NPTN: variants seen among roughly 807,000 people sequenced by gnomAD.
NPTN encodes the protein SDR-1.
In NPTN, 5 loss-of-function variants were observed where a neutral mutation model predicts 42.7. The ratio of observed to expected loss-of-function variants is 0.12; its 90% CI spans 0.06 to 0.25. The LOEUF (loss-of-function observed/expected upper bound fraction) is 0.25, where lower values mean the gene tolerates loss of function less well. Ranked by LOEUF, NPTN falls within the 10% of genes least tolerant of loss-of-function variation. NPTN has a pLI of 1.00. For missense variants in NPTN, 307 were observed against 525.4 expected (o/e 0.58, Z 4.06); for synonymous variants, 180 against 201.9 (o/e 0.89, Z 0.92).
At position 73,560,960 on chromosome 15, in the gene NPTN, T is replaced by G. The variant is rs1019209306; in HGVS notation, c.*103A>C. ...CATGCTTTAGACAGTCATTGTGGTG[T>G]TGCTCACTTGAAAGGGGAGAGAACC... is the stretch of plus-strand genomic sequence containing the variant. On this transcript the variant is annotated 3_prime_UTR_variant, in exon 9 of 9. Transcript: ENST00000345330. 2 of 152,584 alleles carry G rather than the reference T, an allele frequency of 1.3e-5. No individual in the cohort carries two copies. The highest frequency in any genetic ancestry group is 2.4e-5 in the African/African-American group (1 of 41,418). The allele number at this position is 152,584 out of a possible 1,614,324, so 9.5% of individuals were successfully genotyped here. A position where few individuals can be genotyped will look rare whatever the true frequency, so the allele number is the denominator to read the frequency against.
At chr15:73,589,427 C>T (rs78437991) in intron 3 of NPTN, among the ~76,000 whole-genome samples, 1,554 of 152,186 alleles carry the variant, frequency 0.01, 30 homozygotes, top group African/African-American at 0.036. Context: ...TTCTTGCCCC[C>T]GAGGGTCAAC....
intron 4 of NPTN, among the ~76,000 whole-genome samples, chr15:73,577,826 T>A (rs1895776698): frequency 6.6e-6 from 1 of 152,088 alleles, no homozygotes; most frequent in Non-Finnish European, 1.5e-5. Context: ...CAGCTCTGAC[T>A]CCCTGTGATT....
intron 1 of NPTN, among the ~76,000 whole-genome samples, chr15:73,620,171 A>G (rs1300411663): frequency 1.3e-5 from 2 of 152,228 alleles, no homozygotes; most frequent in Non-Finnish European, 2.9e-5. Context: ...CAAAGCATGT[A>G]TTCTCTAGTT....
chr15:73,582,593 C>G (rs925508122), intron 4 of NPTN, among the ~76,000 whole-genome samples: 1 of 151,872 alleles, frequency 6.6e-6, no homozygotes, highest in African/African-American at 2.4e-5. Flanking sequence ...TGGCTGTACA[C>G]CATAATCACC....
At chr15:73,619,496 A>C (rs1250937429) in intron 1 of NPTN, among the ~76,000 whole-genome samples, 1 of 152,222 alleles carries the variant, frequency 6.6e-6, no homozygotes. Flanking sequence ...ATGGTGCAAT[A>C]CATTACTGTA....
At chr15:73,626,671 A>T (rs778766808) in intron 1 of NPTN, among the ~76,000 whole-genome samples, 1 of 152,230 alleles carries the variant, frequency 6.6e-6, no homozygotes, top group Non-Finnish European at 1.5e-5. Context: ...ATGCCTTATT[A>T]GTATTCTATC....
intron 6 of NPTN, chr15:73,567,730 C>T: frequency 1.0e-6 from 1 of 985,318 alleles, no homozygotes; most frequent in Non-Finnish European, 1.2e-6. Context: ...AGGAGAAAAA[C>T]AGAATGGAAA....
rs183554391 is a variant in NPTN, at chr15:73,573,882, T to G, written c.707-87A>C. On this transcript the variant is annotated intron_variant, in intron 4 of 8. Transcript: ENST00000345330. ...CCACCTTCTGGCTCAGAGCCCTGCT[T>G]GTAATGTAGTCAGTCTTTATGCTTA... 3,048 of 1,497,678 alleles carry G rather than the reference T, an allele frequency of 2.0e-3. 14 individuals are homozygous for G. The highest frequency in any genetic ancestry group is 3.5e-3 in the South Asian group (283 of 80,632). The allele number at this position is 1,497,678 out of a possible 1,614,324, so 92.8% of individuals were successfully genotyped here.
At chr15:73,572,406 G>A (rs1299353516) in intron 5 of NPTN, among the ~76,000 whole-genome samples, 1 of 152,174 alleles carries the variant, frequency 6.6e-6, no homozygotes, top group Non-Finnish European at 1.5e-5. Flanking sequence ...AGGTTCTAAA[G>A]CTCTGACTCT....
At chr15:73,584,319 T>A (rs556117795) in intron 4 of NPTN, among the ~76,000 whole-genome samples, 1 of 152,194 alleles carries the variant, frequency 6.6e-6, no homozygotes, top group African/African-American at 2.4e-5. Flanking sequence ...TTGGGAGTCA[T>A]GAGAGCAATT....
chr15:73,578,035 G>T (rs1014960002), intron 4 of NPTN, among the ~76,000 whole-genome samples: 3 of 152,180 alleles, frequency 2.0e-5, no homozygotes, highest in Non-Finnish European at 4.4e-5. Flanking sequence ...GAAATGCAAA[G>T]GTCTTGAGGT....
At chr15:73,561,259 G>T (rs781184080) in intron 8 of NPTN, among the ~76,000 whole-genome samples, 4 of 152,130 alleles carry the variant, frequency 2.6e-5, no homozygotes, top group Non-Finnish European at 5.9e-5. Context: ...AAGACTAGTA[G>T]GCCTCTGGGA....
At chr15:73,596,265 A>C (rs1448348694) in intron 2 of NPTN, among the ~76,000 whole-genome samples, 1 of 152,236 alleles carries the variant, frequency 6.6e-6, no homozygotes, top group African/African-American at 2.4e-5. Context: ...CCCAGTGAGG[A>C]GTACACTGCT....
At chr15:73,606,397 A>G (rs1364284704) in intron 1 of NPTN, among the ~76,000 whole-genome samples, 1 of 152,218 alleles carries the variant, frequency 6.6e-6, no homozygotes, top group Non-Finnish European at 1.5e-5. Flanking sequence ...CTTCACAAAT[A>G]GTACTTAAGC....
intron 1 of NPTN, among the ~76,000 whole-genome samples, chr15:73,610,896 C>T (rs1439570618): frequency 6.6e-6 from 1 of 152,112 alleles, no homozygotes; most frequent in African/African-American, 2.4e-5. Flanking sequence ...ACATTTTCCC[C>T]CCTCTAGGCC....
chr15:73,574,563 C>T (rs1223496356), intron 4 of NPTN, among the ~76,000 whole-genome samples: 1 of 152,162 alleles, frequency 6.6e-6, no homozygotes, highest in Non-Finnish European at 1.5e-5. Context: ...CAGGCACATG[C>T]CACTACACCT....
chr15:73,564,206 G>A (rs2141348428), intron 6 of NPTN, among the ~76,000 whole-genome samples: 1 of 152,300 alleles, frequency 6.6e-6, no homozygotes, highest in South Asian at 2.1e-4. Context: ...AGTGCTCTTA[G>A]TTTGTTTTTA....
At chr15:73,586,019 C>T (rs890906489) in intron 4 of NPTN, among the ~76,000 whole-genome samples, 1 of 152,218 alleles carries the variant, frequency 6.6e-6, no homozygotes, top group Non-Finnish European at 1.5e-5. Flanking sequence ...TTGATTTCCA[C>T]TCTTGAAAGT....
At chr15:73,581,814 C>T (rs758610059) in intron 4 of NPTN, among the ~76,000 whole-genome samples, 2 of 152,020 alleles carry the variant, frequency 1.3e-5, no homozygotes, top group Non-Finnish European at 2.9e-5. Flanking sequence ...GGCCTCTTTA[C>T]AGACACTGCT....
Sources: gnomAD v4.1 joint callset for allele counts (sites outside exome capture counted in the v4.1 genomes callset) on GRCh38, gnomAD v4.1.1 for gene constraint, MANE v1.5 for transcripts, NCBI Gene and HGNC (gene_info 2026-07-23, HGNC 2026-07-21) for gene names.